Variants in CFI observed in about 807,000 individuals in gnomAD.
The protein encoded by CFI is C3B/C4B inactivator.
Under a neutral mutation model 78.8 loss-of-function variants are expected in CFI, and 66 were observed. That is an observed-to-expected ratio of 0.84 (90% CI 0.69 to 1.03). The LOEUF (loss-of-function observed/expected upper bound fraction) is 1.03, where lower values mean the gene tolerates loss of function less well. Among genes scored for constraint, CFI ranks in the 50% least tolerant of loss-of-function variants. CFI has a pLI of 0.00. For synonymous variants in CFI, 250 were observed against 232.6 expected (o/e 1.07, Z -0.68); for missense variants, 706 against 704.5 (o/e 1.00, Z -0.02).
chr4:109,752,622 T>C, intron 7 of CFI, 119 bp from the exon 8 acceptor site: 10 of 827,988 alleles, frequency 1.2e-5, no homozygotes, highest in Admixed American at 2.2e-5. Flanking sequence ...CTCCCTTTTA[T>C]AAAGAACTGT....
chr4:109,792,065 A>G (rs1024224468), intron 1 of CFI, among the ~76,000 whole-genome samples: 9 of 152,254 alleles, frequency 5.9e-5, no homozygotes, highest in African/African-American at 2.2e-4. Context: ...AAATTTATTA[A>G]GACTCATTTT....
chr4:109,764,256 A>G, intron 3 of CFI: 1 of 480,542 alleles, frequency 2.1e-6, no homozygotes, highest in Non-Finnish European at 3.8e-6. Flanking sequence ...GTAGACGAGT[A>G]GGAGACAGAC....
intron 7 of CFI, 144 bp from the exon 8 acceptor site, chr4:109,752,647 GC>G: frequency 1.4e-6 from 1 of 691,092 alleles, no homozygotes; most frequent in East Asian, 2.8e-5. Flanking sequence ...AATCCCCAAG[GC>G]ATGTCATCTT....
At chr4:109,766,117 CA>C (rs1003722598) in intron 2 of CFI, among the ~76,000 whole-genome samples, 8 of 151,994 alleles carry the variant, frequency 5.3e-5, no homozygotes, top group Admixed American at 5.2e-4. Flanking sequence ...GACTCCGTCT[CA>C]AAAAAACAAA....
rs745782020 is a variant in CFI at position 109,764,649 on chromosome 4, C to G, written c.370G>C (p.Glu124Gln). The G allele has an allele frequency of 6.2e-7, 1 of 1,613,952 alleles. No homozygotes were observed. Among genetic ancestry groups the G allele is most frequent in the South Asian group, 1.1e-5 (1 of 91,080 alleles). The change falls in exon 3 of 13, where the codon GAG (glutamate) becomes CAG (glutamine). Residue 124 changes from glutamate to glutamine, a missense_variant. By Grantham distance (29) the Glu-to-Gln change is conservative. Transcript: ENST00000394634. ...VSLKHGNTDS[E>Q]GIVEVKLVDQ... is the part of the protein sequence containing the mutation. Reference sequence around the variant, plus strand: ...ACAAGTTTTACTTCAACTATTCCCTCTGAATCTGTATTTCCATGCTTCAAG... The same window carrying G: ...ACAAGTTTTACTTCAACTATTCCCTGTGAATCTGTATTTCCATGCTTCAAG...
chr4:109,748,943 C>T (rs1366505140), intron 10 of CFI, among the ~76,000 whole-genome samples: 1 of 152,194 alleles, frequency 6.6e-6, no homozygotes, highest in Non-Finnish European at 1.5e-5. Context: ...TACCCACTCT[C>T]CCACTTTGCA....
chr4:109,731,359 G>A, the CFI span, among the ~76,000 whole-genome samples: 1 of 152,028 alleles, frequency 6.6e-6, no homozygotes, highest in African/African-American at 2.4e-5. Flanking sequence ...AAAAAAGAAA[G>A]TGAGTAAGTA....
chr4:109,761,526 G>C lies in CFI; in HGVS notation c.649C>G (p.Gln217Glu). 1 of 1,614,060 alleles carries C rather than the reference G, an allele frequency of 6.2e-7. No individual in the cohort carries two copies. The highest frequency in any genetic ancestry group is 1.1e-5 in the South Asian group (1 of 91,080). Residue 217 changes from glutamine to glutamate, a missense_variant, in exon 4 of 13, where the codon CAG (glutamine) becomes GAG (glutamate). Transcript: ENST00000394634. ...QDFADVVCYT[Q>E]KADSPMDDFF... ...CAAATACTCCACCAACCTGCTTTCT[G>C]TGTATAACAAACCACATCAGCGAAA...
intron 1 of CFI, among the ~76,000 whole-genome samples, chr4:109,799,246 G>C (rs1402722498): frequency 6.6e-6 from 1 of 152,190 alleles, no homozygotes; most frequent in Non-Finnish European, 1.5e-5. Context: ...CCAGACAGCT[G>C]AGATTGCTCA....
At chr4:109,793,468 T>G (rs1017540126) in intron 1 of CFI, 6 of 152,292 alleles carry the variant, frequency 3.9e-5, no homozygotes, top group African/African-American at 1.4e-4. Context: ...TTCAAGTAAC[T>G]GCCAAATGTC....
At chr4:109,770,626 C>A (rs1240391168) in intron 1 of CFI, among the ~76,000 whole-genome samples, 4 of 129,328 alleles carry the variant, frequency 3.1e-5, no homozygotes, top group African/African-American at 3.0e-5. Flanking sequence ...AATATGAACA[C>A]AGACCAGAAA....
downstream of CFI, among the ~76,000 whole-genome samples, chr4:109,737,469 A>G (rs77763677): frequency 0.034 from 5,234 of 152,248 alleles, 122 homozygotes; most frequent in Non-Finnish European, 0.055. Flanking sequence ...GTACCTGGCA[A>G]GGTGCAGCCG....
chr4:109,784,413 G>A (rs979960195), intron 1 of CFI, among the ~76,000 whole-genome samples: 1 of 152,040 alleles, frequency 6.6e-6, no homozygotes, highest in Non-Finnish European at 1.5e-5. Context: ...GGTTAAAGGA[G>A]AGTTTTTCTT....
At chr4:109,748,009 G>A (rs1161986878) in intron 10 of CFI, among the ~76,000 whole-genome samples, 3 of 152,184 alleles carry the variant, frequency 2.0e-5, no homozygotes, top group African/African-American at 7.2e-5. Flanking sequence ...ACAGGCCACA[G>A]ATCAGTACTT....
chr4:109,797,729 A>T (rs186868951), intron 1 of CFI, among the ~76,000 whole-genome samples: 3 of 152,338 alleles, frequency 2.0e-5, no homozygotes, highest in Admixed American at 2.0e-4. Context: ...AGAACCAAAT[A>T]GTCTACTTTA....
rs1724465886 is a variant in CFI at position 109,746,469 on chromosome 4, T to A, written c.1182A>T (p.Thr394=). The A allele has an allele frequency of 1.2e-6, 2 of 1,613,202 alleles. No homozygotes were observed. Among genetic ancestry groups the A allele is most frequent in the Non-Finnish European group, 1.7e-6 (2 of 1,179,604 alleles). ...CGGGGTGTATCCAGTCTACTACTGT[T>A]GTCCATATTTGGTAACGATGAGTTT... ...ASKTHRYQIW[T]TVVDWIHPDL... is the part of the protein sequence containing the mutation. Residue 394 remains threonine (T), a synonymous_variant, in exon 11 of 13, where the codon ACA becomes ACT. Transcript: ENST00000394634.
At chr4:109,758,360 T>C (rs1726584528) in intron 6 of CFI, among the ~76,000 whole-genome samples, 1 of 151,674 alleles carries the variant, frequency 6.6e-6, no homozygotes, top group African/African-American at 2.4e-5. Context: ...ATTCATCAAG[T>C]AAATGAATAA....
intron 1 of CFI, among the ~76,000 whole-genome samples, chr4:109,793,175 G>T (rs1308876343): frequency 1.3e-5 from 2 of 152,054 alleles, no homozygotes; most frequent in African/African-American, 4.8e-5. Flanking sequence ...AATTAATAGT[G>T]ATTAAATTTA....
intron 1 of CFI, among the ~76,000 whole-genome samples, chr4:109,776,440 T>C (rs1263082020): frequency 6.6e-6 from 1 of 151,990 alleles, no homozygotes; most frequent in Non-Finnish European, 1.5e-5. Flanking sequence ...TAAAAAGAAA[T>C]GAACAAAGCC....
Sources: gnomAD v4.1 joint callset for allele counts (sites outside exome capture counted in the v4.1 genomes callset) on GRCh38, gnomAD v4.1.1 for gene constraint, MANE v1.5 for transcripts, NCBI Gene and HGNC (gene_info 2026-07-23, HGNC 2026-07-21) for gene names.